SUPT3H: variants seen among roughly 807,000 people sequenced by gnomAD.
SUPT3H encodes transcription initiation protein SPT3 homolog.
A neutral mutation model predicts 44.3 loss-of-function variants in SUPT3H; 44 were observed. The ratio of observed to expected loss-of-function variants is 0.99; its 90% CI spans 0.78 to 1.28. The LOEUF (loss-of-function observed/expected upper bound fraction) is 1.28. Ranked by LOEUF, SUPT3H falls within the 50% of genes most tolerant of loss-of-function variation. SUPT3H has a pLI of 0.00. For missense variants in SUPT3H, 380 were observed against 387.1 expected (o/e 0.98, Z 0.15); for synonymous variants, 124 against 125.6 (o/e 0.99, Z 0.09).
At chr6:45,178,236 A>C (rs888174912) in intron 2 of SUPT3H, among the ~76,000 whole-genome samples, 4 of 152,198 alleles carry the variant, frequency 2.6e-5, no homozygotes, top group African/African-American at 9.7e-5. Context: ...CTACCAAGCA[A>C]ATGGAAAACA....
chr6:45,332,138 A>G (rs1787639308), intron 2 of SUPT3H, among the ~76,000 whole-genome samples: 1 of 151,924 alleles, frequency 6.6e-6, no homozygotes, highest in African/African-American at 2.4e-5. Flanking sequence ...TGTGCTTTCA[A>G]TTTTACACAC....
chr6:45,187,819 A>G (rs1437654070), intron 2 of SUPT3H, among the ~76,000 whole-genome samples: 3 of 152,262 alleles, frequency 2.0e-5, no homozygotes, highest in African/African-American at 7.2e-5. Context: ...ACAAAATGTT[A>G]GCAAATCAAG....
At chr6:45,331,129 G>T (rs202179785) in intron 2 of SUPT3H, among the ~76,000 whole-genome samples, 16,955 of 136,016 alleles carry the variant, frequency 0.12, 1,340 homozygotes, top group East Asian at 0.26. Flanking sequence ...GTGTGTGTGC[G>T]CGCGCGCGCG....
chr6:45,097,858 T>C (rs186948363), intron 3 of SUPT3H: 62 of 152,408 alleles, frequency 4.1e-4, no homozygotes, highest in Admixed American at 3.9e-3. Context: ...GGGAAATTAA[T>C]TTCATACTGG....
At chr6:45,178,249 A>G (rs1040268086) in intron 2 of SUPT3H, among the ~76,000 whole-genome samples, 6 of 152,204 alleles carry the variant, frequency 3.9e-5, no homozygotes, top group African/African-American at 1.4e-4. Flanking sequence ...GGAAAACAAA[A>G]AAAGGCAGGG....
At chr6:45,075,409 C>A (rs1379623506) in intron 3 of SUPT3H, among the ~76,000 whole-genome samples, 1 of 152,092 alleles carries the variant, frequency 6.6e-6, no homozygotes, top group Non-Finnish European at 1.5e-5. Context: ...ACTTAGGTTT[C>A]TCCAGACTAG....
intron 2 of SUPT3H, among the ~76,000 whole-genome samples, chr6:45,350,969 C>G (rs927750875): frequency 6.6e-6 from 1 of 152,152 alleles, no homozygotes; most frequent in Non-Finnish European, 1.5e-5. Context: ...ATTAGATTCT[C>G]CGACCCTATA....
chr6:44,958,592 G>A (rs1490043643), intron 7 of SUPT3H, among the ~76,000 whole-genome samples: 1 of 152,098 alleles, frequency 6.6e-6, no homozygotes, highest in Non-Finnish European at 1.5e-5. Context: ...GGGGGACCTG[G>A]CGTCAATGTC....
chr6:45,194,592 C>T (rs576020962), intron 2 of SUPT3H, among the ~76,000 whole-genome samples: 2 of 152,188 alleles, frequency 1.3e-5, no homozygotes, highest in South Asian at 2.1e-4. Context: ...CCTTCATAAG[C>T]ACATGCTGCA....
At chr6:45,226,626 G>A (rs527829661) in intron 2 of SUPT3H, among the ~76,000 whole-genome samples, 204 of 152,148 alleles carry the variant, frequency 1.3e-3, no homozygotes, top group Non-Finnish European at 2.6e-3. Flanking sequence ...TGCAACCTCC[G>A]CATCCCGGGT....
In SUPT3H at chr6:45,303,013, C is replaced by T. The variant is rs577910931; in HGVS notation, c.101+62188G>A. On this transcript the variant is annotated intron_variant, in intron 2 of 10. Transcript: ENST00000371459. ...GATCTTCAACAAACGAAACATAAAGCGGGGAAAGGATACCCTATTGAACAA... is the reference window on the plus strand; with the variant it reads ...GATCTTCAACAAACGAAACATAAAGTGGGGAAAGGATACCCTATTGAACAA... 1.3e-3 allele frequency among the ~76,000 whole-genome samples: 203 copies of T among 152,032 alleles called. 2 individuals carry two copies. The South Asian group carries it at 0.018, about 14-fold the overall frequency.
At chr6:45,224,564 G>A (rs1193349136) in intron 2 of SUPT3H, among the ~76,000 whole-genome samples, 1 of 152,092 alleles carries the variant, frequency 6.6e-6, no homozygotes, top group Admixed American at 6.6e-5. Flanking sequence ...TGGATCAAGA[G>A]GTCAGGAGTT....
intron 10 of SUPT3H, among the ~76,000 whole-genome samples, chr6:44,831,464 C>T (rs903394248): frequency 1.3e-5 from 2 of 152,304 alleles, no homozygotes; most frequent in East Asian, 1.9e-4. Context: ...TGTCTTCCCA[C>T]AACCACAGGC....
chr6:45,177,942 C>A (rs570551682), intron 2 of SUPT3H, among the ~76,000 whole-genome samples: 1 of 152,088 alleles, frequency 6.6e-6, no homozygotes, highest in East Asian at 1.9e-4. Flanking sequence ...AAAGGAACAA[C>A]CGGTACCAGC....
intron 2 of SUPT3H, among the ~76,000 whole-genome samples, chr6:45,278,128 G>A (rs1777331794): frequency 6.6e-6 from 1 of 151,538 alleles, no homozygotes; most frequent in Admixed American, 6.6e-5. Context: ...TGTCGGCAGT[G>A]GGTGGGGTCG....
intron 3 of SUPT3H, among the ~76,000 whole-genome samples, chr6:45,044,815 T>A (rs1789120378): frequency 1.3e-5 from 2 of 152,094 alleles, no homozygotes; most frequent in Admixed American, 1.3e-4. Flanking sequence ...TCTTCCAGTT[T>A]TAGAATAAAG....
intron 10 of SUPT3H, among the ~76,000 whole-genome samples, chr6:44,922,508 G>C (rs973713999): frequency 6.6e-6 from 1 of 152,068 alleles, no homozygotes; most frequent in African/African-American, 2.4e-5. Context: ...AGTTCAACAG[G>C]CTCTCATCAC....
chr6:45,345,033 A>T (rs1790564805), intron 2 of SUPT3H, among the ~76,000 whole-genome samples: 1 of 152,196 alleles, frequency 6.6e-6, no homozygotes, highest in South Asian at 2.1e-4. Context: ...TGTAACAAAA[A>T]GGCTGTACAT....
chr6:44,955,953 TA>T (rs1775081165), intron 7 of SUPT3H, among the ~76,000 whole-genome samples: 1 of 150,772 alleles, frequency 6.6e-6, no homozygotes, highest in Admixed American at 6.6e-5. Context: ...ACCCCGTCTC[TA>T]CTAAAAATAC....
Sources: gnomAD v4.1 joint callset for allele counts (sites outside exome capture counted in the v4.1 genomes callset) on GRCh38, gnomAD v4.1.1 for gene constraint, MANE v1.5 for transcripts, NCBI Gene and HGNC (gene_info 2026-07-23, HGNC 2026-07-21) for gene names.